Variants in MYH11 observed in about 807,000 individuals in gnomAD.
MYH11 encodes the protein myosin-11.
In MYH11, 80 loss-of-function variants were observed where a neutral mutation model predicts 246.6. The observed-to-expected ratio is 0.32, with a 90% CI of 0.27 to 0.39. MYH11 has a LOEUF of 0.39. Among genes scored for constraint, MYH11 ranks in the 10% least tolerant of loss-of-function variants. MYH11 has a pLI of 1.00. For synonymous variants in MYH11, 1,071 were observed against 1,015.5 expected (o/e 1.05, Z -1.04); for missense variants, 2,158 against 2,546.8 (o/e 0.85, Z 3.29).
At chr16:15,795,235 G>A (rs1316752241) in intron 4 of MYH11, among the ~76,000 whole-genome samples, 4 of 152,220 alleles carry the variant, frequency 2.6e-5, no homozygotes, top group African/African-American at 9.6e-5. Context: ...GGGGGTTGCA[G>A]TGAGCCAAGA....
intron 4 of MYH11, chr16:15,792,695 T>A (rs1402691569): frequency 6.6e-6 from 1 of 152,216 alleles, no homozygotes; most frequent in Non-Finnish European, 1.5e-5. Context: ...TTGAGTCCCT[T>A]AGCACGTTCT....
chr16:15,767,221 T>C (rs1231341647), intron 9 of MYH11, among the ~76,000 whole-genome samples: 2 of 152,042 alleles, frequency 1.3e-5, no homozygotes. Flanking sequence ...GATGGATTGA[T>C]GGATGAATCA....
chr16:15,764,343 A>G (rs940981380), intron 9 of MYH11, among the ~76,000 whole-genome samples: 1 of 152,110 alleles, frequency 6.6e-6, no homozygotes, highest in African/African-American at 2.4e-5. Context: ...AACTACCACA[A>G]ATCAAAACTG....
At chr16:15,828,790 A>G (rs1468128910) in intron 2 of MYH11, among the ~76,000 whole-genome samples, 2 of 142,478 alleles carry the variant, frequency 1.4e-5, no homozygotes, top group Admixed American at 6.9e-5. Context: ...GAGACTCTAA[A>G]AAAAAAAAAA....
chr16:15,835,107 G>A (rs1226728718), intron 2 of MYH11, among the ~76,000 whole-genome samples: 1 of 150,674 alleles, frequency 6.6e-6, no homozygotes, highest in Non-Finnish European at 1.5e-5. Flanking sequence ...GTTATGAGTT[G>A]CTAAGTTGCT....
chr16:15,724,479 C>T, intron 30 of MYH11, 70 bp from the exon 31 acceptor site: 1 of 1,609,564 alleles, frequency 6.2e-7, no homozygotes, highest in South Asian at 1.1e-5. Flanking sequence ...GCCCCACAGA[C>T]TCTGAGAAGC....
intron 1 of MYH11, among the ~76,000 whole-genome samples, chr16:15,851,491 G>T (rs2044327803): frequency 6.6e-6 from 1 of 152,166 alleles, no homozygotes; most frequent in Admixed American, 6.6e-5. Context: ...TTTGGAGTCA[G>T]GAGTACAATC....
At chr16:15,836,328 G>A (rs1336957871) in intron 2 of MYH11, among the ~76,000 whole-genome samples, 1 of 152,102 alleles carries the variant, frequency 6.6e-6, no homozygotes, top group Non-Finnish European at 1.5e-5. Flanking sequence ...ACTAGCCACA[G>A]GTGGCTATTG....
intron 38 of MYH11, among the ~76,000 whole-genome samples, chr16:15,715,924 G>A (rs145436705): frequency 1.6e-4 from 25 of 152,206 alleles, no homozygotes; most frequent in Non-Finnish European, 2.8e-4. Flanking sequence ...TCAGGAGTTC[G>A]AGACCAGCCT....
At position 15,833,795 on chromosome 16, in the gene MYH11, C is replaced by G. The variant is rs371943058; in HGVS notation, c.345+4113G>C. Among the ~76,000 whole-genome samples the G allele has an allele frequency of 1.4e-4, 21 of 152,182 alleles. 1 individual carries two copies. Among genetic ancestry groups the G allele is most frequent in the African/African-American group, 4.3e-4 (18 of 41,446 alleles). On this transcript the variant is annotated intron_variant, in intron 2 of 40. Coordinates refer to ENST00000300036, the MANE Select transcript of MYH11 (RefSeq NM_002474.3). ...CCTCACTACCCGCCTATTAACAAGA[C>G]TCATGCATGCTGCTATTATGGGCTG...
intron 16 of MYH11, 46 bp from the exon 17 acceptor site, chr16:15,748,214 T>C (rs2041473070): frequency 6.2e-7 from 1 of 1,610,400 alleles, no homozygotes; most frequent in South Asian, 1.1e-5. Flanking sequence ...CCAGAAACCA[T>C]GGCGCAGCAA....
intron 5 of MYH11, chr16:15,785,008 A>AGTTTTTT (rs1179433467): frequency 1.0e-5 from 1 of 96,518 alleles, no homozygotes; most frequent in South Asian, 2.8e-4. Flanking sequence ...AATTCTCTTG[A>AGTTTTTT]TTTTTTTTTT....
chr16:15,723,813 C>G (rs772042843), intron 31 of MYH11, among the ~76,000 whole-genome samples: 1 of 152,156 alleles, frequency 6.6e-6, no homozygotes, highest in African/African-American at 2.4e-5. Flanking sequence ...AACTGAATTA[C>G]TTGGAATACT....
intron 3 of MYH11, among the ~76,000 whole-genome samples, chr16:15,815,829 G>C (rs887936712): frequency 6.6e-6 from 1 of 152,140 alleles, no homozygotes; most frequent in Middle Eastern, 3.4e-3. Context: ...AGCCAGGAAG[G>C]TGAATATAAT....
chr16:15,816,641 G>C lies in MYH11; in HGVS notation c.502+6614C>G, dbSNP rs373921051. ...ACTCTGATATGAGGCATGTGTGTTG[G>C]AACGAGGAAATAGGGGCAAATCCAG... is the stretch of plus-strand genomic sequence containing the variant. On this transcript the variant is annotated intron_variant, in intron 3 of 40. Transcript: ENST00000300036. 7.2e-5 allele frequency among the ~76,000 whole-genome samples: 11 copies of C among 152,232 alleles called. No individual in the cohort carries two copies. The East Asian group carries it at 9.6e-4, about 13-fold the overall frequency.
At position 15,721,182 on chromosome 16, in the gene MYH11, C is replaced by T. The variant is rs1596719949; in HGVS notation, c.4579-131G>A. 3.8e-6 allele frequency: 4 copies of T among 1,059,118 alleles called. No homozygotes were observed. In the East Asian group the frequency reaches 1.0e-4, roughly 27 times the overall value. The allele number at this position is 1,059,118 out of a possible 1,614,324, so 65.6% of individuals were successfully genotyped here. ...CCTCCCACAGGATGCATGGCCGGGA[C>T]TCAAGATGACCCCTGAGAGTTCAGA... On this transcript the variant is annotated intron_variant, in intron 32 of 40. Coordinates refer to ENST00000300036, the MANE Select transcript of MYH11 (RefSeq NM_002474.3).
At chr16:15,770,757 A>G (rs1427514066) in intron 9 of MYH11, among the ~76,000 whole-genome samples, 3 of 152,024 alleles carry the variant, frequency 2.0e-5, no homozygotes, top group Admixed American at 2.0e-4. Context: ...TGTGCATATC[A>G]ACCTAAGCCA....
At chr16:15,793,945 CT>C (rs61625627) in intron 4 of MYH11, among the ~76,000 whole-genome samples, 44 of 70,210 alleles carry the variant, frequency 6.3e-4, no homozygotes, top group Middle Eastern at 0.019. Flanking sequence ...CTTTTCTTTT[CT>C]TTTTTTTTTT....
At chr16:15,754,619 T>C (rs183774605) in intron 14 of MYH11, among the ~76,000 whole-genome samples, 15 of 152,316 alleles carry the variant, frequency 9.8e-5, no homozygotes, top group African/African-American at 3.6e-4. Context: ...AAGGCCCAGA[T>C]AGTAGATATT....
Sources: allele counts gnomAD v4.1 joint callset (sites outside exome capture counted in the v4.1 genomes callset), GRCh38; gene constraint gnomAD v4.1.1; transcripts MANE v1.5; gene names NCBI Gene and HGNC (gene_info 2026-07-23, HGNC 2026-07-21).